The following EPHA3 variants were observed in gnomAD, a reference collection of about 807,000 sequenced individuals.
EPHA3 encodes the protein EPH receptor A3, also known as ephrin type-A receptor 3.
A neutral mutation model predicts 107.1 loss-of-function variants in EPHA3; 42 were observed. The ratio of observed to expected loss-of-function variants is 0.39; its 90% confidence interval spans 0.31 to 0.51. The LOEUF (loss-of-function observed/expected upper bound fraction) is 0.51. Among genes scored for constraint, EPHA3 ranks in the 20% least tolerant of loss-of-function variants. The pLI is 0.78. For synonymous variants in EPHA3, 461 were observed against 424.8 expected (o/e 1.09, Z -1.05); for missense variants, 1,183 against 1,211.2 (o/e 0.98, Z 0.35).
chr3:89,295,460 A>G (rs1706324945), intron 3 of EPHA3, among the ~76,000 whole-genome samples: 1 of 152,192 alleles, frequency 6.6e-6, no homozygotes. Flanking sequence ...TCTGTAGCAT[A>G]TAATGCCATT....
intron 2 of EPHA3, among the ~76,000 whole-genome samples, chr3:89,172,039 C>T (rs1299266764): frequency 3.3e-5 from 5 of 152,216 alleles, no homozygotes; most frequent in African/African-American, 1.2e-4. Flanking sequence ...GCCCCTTCTT[C>T]TCTACTCCCC....
intron 2 of EPHA3, among the ~76,000 whole-genome samples, chr3:89,193,795 CTATT>C (rs1316413187): frequency 6.6e-6 from 1 of 151,850 alleles, no homozygotes; most frequent in African/African-American, 2.4e-5. Flanking sequence ...TGAGTACACA[CTATT>C]TAGCTTTTTA....
At chr3:89,395,639 T>A (rs1242368129) in intron 5 of EPHA3, among the ~76,000 whole-genome samples, 198 bp from the exon 6 acceptor site, 2 of 152,184 alleles carry the variant, frequency 1.3e-5, no homozygotes, top group African/African-American at 4.8e-5. Flanking sequence ...AGGGCTATAA[T>A]CCAGCTGTTG....
At chr3:89,339,138 C>T (rs1248119245) in intron 3 of EPHA3, among the ~76,000 whole-genome samples, 1 of 151,816 alleles carries the variant, frequency 6.6e-6, no homozygotes, top group Admixed American at 6.6e-5. Context: ...TTTGGGAGGC[C>T]GAGGCGGGCG....
At chr3:89,142,230 G>A (rs552263078) in intron 2 of EPHA3, among the ~76,000 whole-genome samples, 1 of 151,120 alleles carries the variant, frequency 6.6e-6, no homozygotes, top group Non-Finnish European at 1.5e-5. Flanking sequence ...TTCCCCCAAC[G>A]TTCAATTTCC....
intron 3 of EPHA3, among the ~76,000 whole-genome samples, chr3:89,215,763 T>C (rs1388992715): frequency 6.6e-6 from 1 of 151,920 alleles, no homozygotes; most frequent in East Asian, 1.9e-4. Context: ...TGAACTGTTT[T>C]ACCTTATGTG....
intron 3 of EPHA3, among the ~76,000 whole-genome samples, chr3:89,273,319 T>C: frequency 6.6e-6 from 1 of 151,960 alleles, no homozygotes; most frequent in East Asian, 1.9e-4. Context: ...AAGTCATTGT[T>C]ATTTTCTTTG....
intron 7 of EPHA3, among the ~76,000 whole-genome samples, chr3:89,405,933 G>A (rs555656577): frequency 6.6e-6 from 1 of 152,202 alleles, no homozygotes; most frequent in African/African-American, 2.4e-5. Flanking sequence ...GCTCTGCTAT[G>A]AAATTTGCAT....
chr3:89,326,525 G>C (rs1043882102), intron 3 of EPHA3, among the ~76,000 whole-genome samples: 4 of 151,904 alleles, frequency 2.6e-5, no homozygotes, highest in Non-Finnish European at 5.9e-5. Flanking sequence ...GAGTAGCTAG[G>C]ACTACAGGCA....
chr3:89,310,929 T>A (rs1013786292), intron 3 of EPHA3, among the ~76,000 whole-genome samples: 1 of 152,014 alleles, frequency 6.6e-6, no homozygotes, highest in Non-Finnish European at 1.5e-5. Context: ...TGCACAGTCT[T>A]TGAAGCCAAA....
At chr3:89,252,597 G>A (rs868431563) in intron 3 of EPHA3, among the ~76,000 whole-genome samples, 3 of 152,144 alleles carry the variant, frequency 2.0e-5, no homozygotes, top group Middle Eastern at 3.4e-3. Flanking sequence ...AGGCATGGTG[G>A]TGCATGCCTG....
chr3:89,344,661 G>A (rs1480338863), intron 5 of EPHA3, among the ~76,000 whole-genome samples: 1 of 152,136 alleles, frequency 6.6e-6, no homozygotes, highest in African/African-American at 2.4e-5. Flanking sequence ...GAAGGATATG[G>A]CTGTGACAGA....
chr3:89,220,002 A>G (rs1704332479), intron 3 of EPHA3, among the ~76,000 whole-genome samples: 1 of 151,852 alleles, frequency 6.6e-6, no homozygotes, highest in South Asian at 2.1e-4. Flanking sequence ...GCCACCGGGC[A>G]ATGTTTAAAA....
chr3:89,291,937 G>T (rs749003804), intron 3 of EPHA3, among the ~76,000 whole-genome samples: 9 of 152,140 alleles, frequency 5.9e-5, no homozygotes, highest in Non-Finnish European at 1.0e-4. Context: ...GGAAACAGAG[G>T]TGATGTACAT....
chr3:89,266,990 A>T (rs1249428545), intron 3 of EPHA3, among the ~76,000 whole-genome samples: 2 of 152,160 alleles, frequency 1.3e-5, no homozygotes, highest in East Asian at 3.8e-4. Context: ...ATTTCATTAA[A>T]AAAATGAAAT....
chr3:89,285,103 A>G (rs1706047866), intron 3 of EPHA3, among the ~76,000 whole-genome samples: 1 of 152,186 alleles, frequency 6.6e-6, no homozygotes, highest in African/African-American at 2.4e-5. Flanking sequence ...AGCTTGGGCA[A>G]CAGAGCGAAA....
chr3:89,342,423 T>TA (rs973587070), intron 5 of EPHA3, among the ~76,000 whole-genome samples: 3 of 152,072 alleles, frequency 2.0e-5, no homozygotes, highest in African/African-American at 7.2e-5. Context: ...ATCTTAGCTT[T>TA]AAAAAAAGTT....
intron 6 of EPHA3, among the ~76,000 whole-genome samples, chr3:89,397,414 G>A (rs528147032): frequency 3.1e-4 from 47 of 152,192 alleles, no homozygotes; most frequent in African/African-American, 1.1e-3. Flanking sequence ...AATCAGTAAT[G>A]TGCCTCAGTT....
chr3:89,441,724 ACAAT>A (rs1709790014), intron 13 of EPHA3, among the ~76,000 whole-genome samples: 1 of 152,186 alleles, frequency 6.6e-6, no homozygotes, highest in African/African-American at 2.4e-5. Flanking sequence ...TTTTGTGGTC[ACAAT>A]CAAGAACAGA....
Sources: gnomAD v4.1 joint callset for allele counts (sites outside exome capture counted in the v4.1 genomes callset) on GRCh38, gnomAD v4.1.1 for gene constraint, MANE v1.5 for transcripts, NCBI Gene and HGNC (gene_info 2026-07-23, HGNC 2026-07-21) for gene names.